CNTN4: variants seen among roughly 807,000 people sequenced by gnomAD.
CNTN4 encodes the protein contactin-4.
Under a neutral mutation model 122.5 loss-of-function variants are expected in CNTN4, and 77 were observed. The ratio of observed to expected loss-of-function variants is 0.63; its 90% CI spans 0.52 to 0.76. The LOEUF (loss-of-function observed/expected upper bound fraction) is 0.76, where lower values mean the gene tolerates loss of function less well. Ranked by LOEUF, CNTN4 falls within the 30% of genes least tolerant of loss-of-function variation. The pLI is 0.00. For synonymous variants in CNTN4, 512 were observed against 447.0 expected (o/e 1.15, Z -1.83); for missense variants, 1,256 against 1,259.1 (o/e 1.00, Z 0.04).
intron 3 of CNTN4, among the ~76,000 whole-genome samples, chr3:2,340,015 C>T (rs1402570941): frequency 6.6e-6 from 1 of 152,150 alleles, no homozygotes; most frequent in African/African-American, 2.4e-5. Context: ...TGGCTGTCTC[C>T]CCTATGTGTG....
chr3:2,582,975 G>C (rs1019255355), intron 4 of CNTN4, among the ~76,000 whole-genome samples: 1 of 150,536 alleles, frequency 6.6e-6, no homozygotes, highest in Non-Finnish European at 1.5e-5. Flanking sequence ...GATTTAAAAC[G>C]TATGAATGCA....
chr3:2,866,690 T>C (rs1330640604), intron 7 of CNTN4, 62 bp from the exon 8 acceptor site: 4 of 1,472,090 alleles, frequency 2.7e-6, no homozygotes, highest in Non-Finnish European at 3.8e-6. Context: ...ATTTCTTTCA[T>C]GAAAACAGTA....
At chr3:2,157,986 A>G (rs1171074879) in intron 2 of CNTN4, among the ~76,000 whole-genome samples, 2 of 152,234 alleles carry the variant, frequency 1.3e-5, no homozygotes, top group Non-Finnish European at 2.9e-5. Context: ...TTTGTCATGA[A>G]ATTAGAGTGG....
intron 2 of CNTN4, among the ~76,000 whole-genome samples, chr3:2,282,887 A>G (rs1271552881): frequency 1.3e-5 from 2 of 152,188 alleles, no homozygotes; most frequent in Non-Finnish European, 1.5e-5. Flanking sequence ...GAAAGAAGTC[A>G]TATACAAAAG....
chr3:2,781,125 A>G (rs1013254329), intron 6 of CNTN4, among the ~76,000 whole-genome samples: 2 of 152,188 alleles, frequency 1.3e-5, no homozygotes, highest in African/African-American at 4.8e-5. Context: ...AACATGCCCT[A>G]AGACCAGTTG....
chr3:2,607,160 T>C (rs1057461563), intron 4 of CNTN4, among the ~76,000 whole-genome samples: 4 of 152,218 alleles, frequency 2.6e-5, no homozygotes, highest in Admixed American at 6.5e-5. Context: ...ACTATGTCTG[T>C]TTTTGCTAGA....
chr3:2,818,286 T>C (rs137877012), intron 6 of CNTN4, among the ~76,000 whole-genome samples: 167 of 152,362 alleles, frequency 1.1e-3, no homozygotes, highest in African/African-American at 3.9e-3. Context: ...TGTCTATATG[T>C]AACTTTTTAA....
At chr3:2,758,819 T>C (rs2149673484) in intron 6 of CNTN4, among the ~76,000 whole-genome samples, 1 of 103,266 alleles carries the variant, frequency 9.7e-6, no homozygotes, top group Admixed American at 1.3e-4. Context: ...AGTACCATAC[T>C]TTTTTTTAGT....
intron 4 of CNTN4, among the ~76,000 whole-genome samples, chr3:2,674,601 T>A (rs2084731488): frequency 6.6e-6 from 1 of 152,076 alleles, no homozygotes; most frequent in Non-Finnish European, 1.5e-5. Flanking sequence ...TATTAAATAA[T>A]ACAAGAATTA....
chr3:2,962,358 C>T (rs1294889068), intron 13 of CNTN4, among the ~76,000 whole-genome samples: 1 of 152,220 alleles, frequency 6.6e-6, no homozygotes, highest in East Asian at 1.9e-4. Flanking sequence ...GCTCTTCTGT[C>T]CCCAGGTTCA....
At chr3:2,333,215 G>A (rs1464665241) in intron 2 of CNTN4, among the ~76,000 whole-genome samples, 1 of 152,304 alleles carries the variant, frequency 6.6e-6, no homozygotes, top group Middle Eastern at 3.4e-3. Context: ...AGGCTCTTAA[G>A]TGTCTTCCAG....
At chr3:2,574,165 G>A (rs1183148081) in intron 4 of CNTN4, among the ~76,000 whole-genome samples, 5 of 152,240 alleles carry the variant, frequency 3.3e-5, no homozygotes, top group South Asian at 4.1e-4. Context: ...GCGGTGAGCC[G>A]AGATCACGCC....
intron 4 of CNTN4, among the ~76,000 whole-genome samples, chr3:2,703,402 C>T (rs1334129533): frequency 2.0e-5 from 3 of 152,098 alleles, no homozygotes; most frequent in Non-Finnish European, 2.9e-5. Flanking sequence ...TTTTCATATC[C>T]ATTAGCTCAT....
chr3:2,380,626 C>G (rs559564929), intron 3 of CNTN4, among the ~76,000 whole-genome samples: 1 of 151,902 alleles, frequency 6.6e-6, no homozygotes, highest in Non-Finnish European at 1.5e-5. Flanking sequence ...TTACCCAGGT[C>G]ATTTACTACA....
At chr3:2,674,669 A>C (rs114813996) in intron 4 of CNTN4, among the ~76,000 whole-genome samples, 19,909 of 152,138 alleles carry the variant, frequency 0.13, 1,509 homozygotes, top group African/African-American at 0.2. Context: ...GAGGCAGGAC[A>C]GTCACCTGAA....
intron 4 of CNTN4, among the ~76,000 whole-genome samples, chr3:2,608,358 G>T (rs1484211230): frequency 1.3e-5 from 2 of 152,222 alleles, no homozygotes; most frequent in Admixed American, 1.3e-4. Flanking sequence ...TACTCAGGAG[G>T]CTGAGGTGGG....
At chr3:2,862,716 G>A (rs922121901) in intron 7 of CNTN4, among the ~76,000 whole-genome samples, 1 of 152,174 alleles carries the variant, frequency 6.6e-6, no homozygotes, top group Non-Finnish European at 1.5e-5. Context: ...AAATCAAACT[G>A]AGTAGGATAC....
At chr3:2,142,091 A>G (rs868091571) in intron 2 of CNTN4, among the ~76,000 whole-genome samples, 2 of 152,204 alleles carry the variant, frequency 1.3e-5, no homozygotes, top group Admixed American at 6.5e-5. Context: ...GTCCACATGT[A>G]AATGTGATGG....
At chr3:3,031,643 C>T (rs774654652) in intron 16 of CNTN4, among the ~76,000 whole-genome samples, 1 of 152,012 alleles carries the variant, frequency 6.6e-6, no homozygotes, top group Non-Finnish European at 1.5e-5. Flanking sequence ...AACCGGTTGG[C>T]AAAGGAACTG....
Sources: allele counts gnomAD v4.1 joint callset (sites outside exome capture counted in the v4.1 genomes callset), GRCh38; gene constraint gnomAD v4.1.1; transcripts MANE v1.5; gene names NCBI Gene and HGNC (gene_info 2026-07-23, HGNC 2026-07-21).